AKT3: variants seen among roughly 807,000 people sequenced by gnomAD.
The protein encoded by AKT3 is RAC-gamma serine/threonine-protein kinase.
A neutral mutation model predicts 65.3 loss-of-function variants in AKT3; 15 were observed. That is an observed-to-expected ratio of 0.23 (90% CI 0.15 to 0.35). The LOEUF is 0.35. Ranked by LOEUF, AKT3 falls within the 10% of genes least tolerant of loss-of-function variation. The pLI is 1.00. For synonymous variants in AKT3, 206 were observed against 183.8 expected, an observed-to-expected ratio of 1.12 and a Z score of -0.98; for missense variants, 243 against 576.5, an observed-to-expected ratio of 0.42 and a Z score of 5.92.
At chr1:243,692,096 G>C (rs1359800110) in intron 3 of AKT3, among the ~76,000 whole-genome samples, 1 of 152,174 alleles carries the variant, frequency 6.6e-6, no homozygotes, top group Non-Finnish European at 1.5e-5. Flanking sequence ...TAGACTTACT[G>C]ACAGGGTTCA....
At chr1:243,547,951 C>A (rs1672789995) in intron 11 of AKT3, 2 of 152,148 alleles carry the variant, frequency 1.3e-5, no homozygotes, top group South Asian at 4.1e-4. Flanking sequence ...AATTTTCAGA[C>A]TGGTAGTTCT....
chr1:243,637,385 T>C (rs568476228), intron 6 of AKT3, among the ~76,000 whole-genome samples: 10 of 152,226 alleles, frequency 6.6e-5, no homozygotes, highest in African/African-American at 2.4e-4. Context: ...AACATTTCTA[T>C]TTCCTTAAGA....
intron 2 of AKT3, among the ~76,000 whole-genome samples, chr1:243,781,111 T>C (rs1690882946): frequency 6.6e-6 from 1 of 152,084 alleles, no homozygotes; most frequent in African/African-American, 2.4e-5. Context: ...CTTCTAAAAT[T>C]TTTTTCTATG....
intron 2 of AKT3, among the ~76,000 whole-genome samples, chr1:243,785,631 G>A (rs1249517683): frequency 1.3e-5 from 2 of 152,206 alleles, no homozygotes; most frequent in Non-Finnish European, 2.9e-5. Flanking sequence ...TTGGTTTCTC[G>A]TCCATTACCC....
At chr1:243,646,472 A>G (rs760304302) in intron 4 of AKT3, among the ~76,000 whole-genome samples, 1 of 151,818 alleles carries the variant, frequency 6.6e-6, no homozygotes, top group Non-Finnish European at 1.5e-5. Context: ...CTCCTGTCTC[A>G]GCCTCCTGAG....
chr1:243,720,811 T>C (rs1686845487), intron 2 of AKT3, among the ~76,000 whole-genome samples: 1 of 152,168 alleles, frequency 6.6e-6, no homozygotes, highest in Admixed American at 6.6e-5. Flanking sequence ...GGTCCAACTA[T>C]TCCGAAAAGC....
At chr1:243,745,916 A>G (rs915343613) in intron 2 of AKT3, among the ~76,000 whole-genome samples, 5 of 152,214 alleles carry the variant, frequency 3.3e-5, no homozygotes, top group African/African-American at 1.2e-4. Context: ...CATCTGCAGT[A>G]CCCGTAGTAT....
upstream of AKT3, among the ~76,000 whole-genome samples, chr1:243,850,317 G>A (rs1276048377): frequency 6.7e-6 from 1 of 149,906 alleles, no homozygotes; most frequent in East Asian, 2.0e-4. Context: ...CGGCGGCGGC[G>A]GCGGGAGGGG....
intron 2 of AKT3, among the ~76,000 whole-genome samples, chr1:243,710,755 AGAAAACACTTCT>A (rs1332804693): frequency 2.0e-5 from 3 of 152,202 alleles, no homozygotes; most frequent in Non-Finnish European, 4.4e-5. Context: ...TACTTCTCTA[AGAAAACACTTCT>A]GCTTATCTCA....
chr1:243,664,340 G>A (rs1344347519), intron 4 of AKT3, among the ~76,000 whole-genome samples: 2 of 151,338 alleles, frequency 1.3e-5, no homozygotes, highest in Admixed American at 1.3e-4. Flanking sequence ...GGGACTACAG[G>A]CGCCCGCCAC....
intron 3 of AKT3, among the ~76,000 whole-genome samples, chr1:243,673,702 C>T (rs1683310915): frequency 6.6e-6 from 1 of 151,394 alleles, no homozygotes; most frequent in Non-Finnish European, 1.5e-5. Context: ...CAACCTCCGC[C>T]TCCCGGGTTT....
chr1:243,551,438 T>C (rs1307750486), intron 11 of AKT3, among the ~76,000 whole-genome samples: 1 of 152,188 alleles, frequency 6.6e-6, no homozygotes, highest in Non-Finnish European at 1.5e-5. Flanking sequence ...TTTATTATGT[T>C]TGCTTATTTC....
intron 2 of AKT3, among the ~76,000 whole-genome samples, chr1:243,759,817 C>T (rs1689374567): frequency 6.6e-6 from 1 of 152,130 alleles, no homozygotes; most frequent in Non-Finnish European, 1.5e-5. Flanking sequence ...AAGGAAGGTT[C>T]TGCTTCTGTA....
chr1:243,827,537 T>A (rs1363786562), intron 2 of AKT3, among the ~76,000 whole-genome samples: 1 of 152,124 alleles, frequency 6.6e-6, no homozygotes, highest in Non-Finnish European at 1.5e-5. Context: ...GACCCAGGAA[T>A]TTTAGATGGA....
chr1:243,665,834 T>C (rs988929623), intron 3 of AKT3, among the ~76,000 whole-genome samples: 1 of 151,994 alleles, frequency 6.6e-6, no homozygotes, highest in African/African-American at 2.4e-5. Context: ...AAAAATAGGG[T>C]AGGGTTGTCT....
chr1:243,779,365 G>A (rs1690763927), intron 2 of AKT3, among the ~76,000 whole-genome samples: 1 of 147,168 alleles, frequency 6.8e-6, no homozygotes, highest in African/African-American at 2.5e-5. Context: ...TACCTGAGCA[G>A]TGACAATGCC....
chr1:243,839,761 G>C (rs973067661), intron 2 of AKT3, among the ~76,000 whole-genome samples: 1 of 150,042 alleles, frequency 6.7e-6, no homozygotes, highest in South Asian at 2.1e-4. Context: ...GATGCATATA[G>C]TCTTACGAAA....
intron 8 of AKT3, among the ~76,000 whole-genome samples, chr1:243,603,813 T>C (rs1677193167): frequency 6.6e-6 from 1 of 152,196 alleles, no homozygotes; most frequent in African/African-American, 2.4e-5. Context: ...TCTCTGCATA[T>C]TTATTCATTA....
Position 243,527,475 on chromosome 1 carries a change from T to C in AKT3, c.1252-15049A>G, listed in dbSNP as rs116225506. Reference sequence around the variant, plus strand: ...TAAGTTGTGCTTTATATAATACTTATATAATTATGTTTTATAATCATTATA... The same window carrying C: ...TAAGTTGTGCTTTATATAATACTTACATAATTATGTTTTATAATCATTATA... On this transcript the variant is annotated intron_variant, in intron 12 of 13. Transcript: ENST00000673466. 4.9e-3 allele frequency among the ~76,000 whole-genome samples: 751 copies of C among 152,302 alleles called. 6 individuals are homozygous for C. The highest frequency in any genetic ancestry group is 0.017 in the African/African-American group (706 of 41,574).
Sources: allele counts gnomAD v4.1 joint callset (sites outside exome capture counted in the v4.1 genomes callset), GRCh38; gene constraint gnomAD v4.1.1; transcripts MANE v1.5; gene names NCBI Gene and HGNC (gene_info 2026-07-23, HGNC 2026-07-21).